The following PAK3 variants were observed in gnomAD, a reference collection of about 807,000 sequenced individuals.
The protein encoded by PAK3 is serine/threonine-protein kinase PAK 3.
Under a neutral mutation model 41.0 loss-of-function variants are expected in PAK3, and 4 were observed. That is an observed-to-expected ratio of 0.10 (90% CI 0.05 to 0.22). The LOEUF (loss-of-function observed/expected upper bound fraction) is 0.22, where lower values mean the gene tolerates loss of function less well. Among genes scored for constraint, PAK3 ranks in the 10% least tolerant of loss-of-function variants. PAK3 has a pLI of 1.00. For synonymous variants in PAK3, 146 were observed against 139.6 expected (o/e 1.05, Z -0.32); for missense variants, 205 against 409.9 (o/e 0.50, Z 4.32).
chrX:111,007,578 T>C (rs1213437786), intron 1 of PAK3, among the ~76,000 whole-genome samples: 1 of 111,490 alleles, frequency 9.0e-6, no homozygotes, highest in Non-Finnish European at 1.9e-5. Flanking sequence ...TCCCATTTCA[T>C]GCTGGCTGTG....
chrX:111,214,220 C>T (rs1423013550), intron 16 of PAK3, among the ~76,000 whole-genome samples: 2 of 112,166 alleles, frequency 1.8e-5, no homozygotes, highest in East Asian at 5.6e-4. Context: ...TTCTGTGGCT[C>T]TTACCTTTGG....
In PAK3 at chrX:111,213,889, T is replaced by C. The variant is rs148609397; in HGVS notation, c.1408-2532T>C. Among the ~76,000 whole-genome samples, 8 of 112,408 alleles carry C rather than the reference T, an allele frequency of 7.1e-5. No individual in the cohort carries two copies. In the East Asian group the frequency reaches 2.2e-3, roughly 31 times the overall value. On this transcript the variant is annotated intron_variant, in intron 16 of 17. Coordinates refer to ENST00000372007, the MANE Select transcript of PAK3 (RefSeq NM_002578.5). ...GCTATGATTGTGCACTATTCGATTT[T>C]AGCCCAATCAGTGATTTTCTAAAAG...
Position 111,156,837 on chromosome X carries a change from T to C in PAK3, c.468+4390T>C, listed in dbSNP as rs917466230. ...TGATATTAGTGTATTCAATTTCAAA[T>C]ACTGTTCAAGTCTCTACTCTTTAAT... On this transcript the variant is annotated intron_variant, in intron 8 of 17. Transcript: ENST00000372007. Among the ~76,000 whole-genome samples the C allele has an allele frequency of 3.6e-5, 4 of 112,420 alleles. No individual in the cohort carries two copies. The South Asian group carries it at 1.1e-3, about 32-fold the overall frequency.
chrX:111,118,803 A>G (rs1438908835), intron 4 of PAK3, among the ~76,000 whole-genome samples: 2 of 112,252 alleles, frequency 1.8e-5, no homozygotes, highest in Non-Finnish European at 3.8e-5. Flanking sequence ...GTCTATTTTG[A>G]AAGCAGACAG....
chrX:111,156,403 G>A (rs756727078), intron 8 of PAK3, among the ~76,000 whole-genome samples: 3 of 111,721 alleles, frequency 2.7e-5, no homozygotes, highest in Non-Finnish European at 5.6e-5. Context: ...GCTTGATGAA[G>A]GCTAGGTTTC....
intron 1 of PAK3, among the ~76,000 whole-genome samples, chrX:111,028,957 A>G (rs971641949): frequency 1.8e-5 from 2 of 109,159 alleles, no homozygotes; most frequent in African/African-American, 6.7e-5. Context: ...AAATAGGGAG[A>G]CCCTGTCTCT....
chrX:111,031,472 G>A (rs1569508637), intron 1 of PAK3, among the ~76,000 whole-genome samples: 1 of 112,171 alleles, frequency 8.9e-6, no homozygotes, highest in East Asian at 2.8e-4. Flanking sequence ...CTTAGTGACT[G>A]TAGTGACTAA....
intron 1 of PAK3, among the ~76,000 whole-genome samples, chrX:110,972,423 TCCGGAGTGG>T (rs1264472580): frequency 9.0e-6 from 1 of 111,331 alleles, no homozygotes; most frequent in African/African-American, 3.3e-5. Flanking sequence ...GCAAAGAGGG[TCCGGAGTGG>T]ATCTTCAGCG....
At chrX:111,014,090 G>C (rs1435403404) in intron 1 of PAK3, among the ~76,000 whole-genome samples, 2 of 111,830 alleles carry the variant, frequency 1.8e-5, no homozygotes, top group Non-Finnish European at 3.8e-5. Flanking sequence ...ACTCCCACTT[G>C]CCACTGGCTT....
chrX:111,036,977 C>T (rs1024560932), intron 1 of PAK3, among the ~76,000 whole-genome samples: 5 of 111,843 alleles, frequency 4.5e-5, no homozygotes, highest in African/African-American at 1.6e-4. Flanking sequence ...CAGAGTCTCG[C>T]TCTGTCACCC....
At chrX:111,091,055 G>A (rs759394163) in intron 1 of PAK3, among the ~76,000 whole-genome samples, 4 of 111,899 alleles carry the variant, frequency 3.6e-5, no homozygotes, top group Non-Finnish European at 7.5e-5. Context: ...TAGGACCATG[G>A]TGGAAGCAGG....
rs367802412 is a variant in PAK3 at position 111,123,183 on chromosome X, C to G, written c.80C>G (p.Ala27Gly). ...AATAGTAACAACCGGGATTCTTCAGCACTCAACCACAGCTCCAAACCACTT... is the reference window on the plus strand; with the variant it reads ...AATAGTAACAACCGGGATTCTTCAGGACTCAACCACAGCTCCAAACCACTT... ...RMNSNNRDSS[A>G]LNHSSKPLPM... Residue 27 changes from alanine (A) to glycine (G), a missense_variant, in exon 5 of 18, where the codon GCA becomes GGA. Ala to Gly is a moderately conservative substitution (Grantham distance 60). This residue lies in a region of PAK3 where 26 missense variants were observed against 27.4 expected (regional missense o/e 0.95). Coordinates refer to ENST00000372007, the MANE Select transcript of PAK3 (RefSeq NM_002578.5). 8.3e-7 allele frequency: 1 copy of G among 1,198,552 alleles called. No homozygotes were observed. Among genetic ancestry groups the G allele is most frequent in the African/African-American group, 1.8e-5 (1 of 57,048 alleles).
chrX:111,033,726 A>G (rs1373884907), intron 1 of PAK3, among the ~76,000 whole-genome samples: 2 of 111,309 alleles, frequency 1.8e-5, no homozygotes, highest in African/African-American at 6.5e-5. Context: ...ATTGCTTTTA[A>G]GGAGTCTGTT....
At chrX:111,210,200 G>A in intron 16 of PAK3, among the ~76,000 whole-genome samples, 1 of 111,986 alleles carries the variant, frequency 8.9e-6, no homozygotes, top group Non-Finnish European at 1.9e-5. Flanking sequence ...CTCACCTCAG[G>A]AAGAAAGCAG....
chrX:111,086,612 A>C (rs1603167987), intron 1 of PAK3, among the ~76,000 whole-genome samples: 1 of 111,163 alleles, frequency 9.0e-6, no homozygotes, highest in Non-Finnish European at 1.9e-5. Flanking sequence ...AAGACGCCCC[A>C]TGTCTTTCAA....
At chrX:110,958,228 G>A (rs2090906609) in intron 1 of PAK3, among the ~76,000 whole-genome samples, 1 of 112,203 alleles carries the variant, frequency 8.9e-6, no homozygotes, top group Non-Finnish European at 1.9e-5. Flanking sequence ...AATGAGGTCG[G>A]AGACCATGCA....
At chrX:111,194,253 C>A in intron 13 of PAK3, 48 bp from the exon 14 acceptor site, 1 of 741,311 alleles carries the variant, frequency 1.3e-6, no homozygotes. Flanking sequence ...TCAGAGTCCC[C>A]AGGTTTTTTA....
rs771721122 is a variant in PAK3 at position 110,992,098 on chromosome X, G to C, written c.-28+47470G>C. 1.1e-4 allele frequency among the ~76,000 whole-genome samples: 12 copies of C among 111,354 alleles called. No individual in the cohort carries two copies. The East Asian group carries it at 3.1e-3, about 29-fold the overall frequency. On this transcript the variant is annotated intron_variant, in intron 1 of 14. Coordinates refer to the PAK3 transcript ENST00000425146. Reference sequence around the variant, plus strand: ...GAACCCTGCAGAGCCTATAATTTTAGAGGGTGGTCAGGGTAGGCCTCACCA... The same window carrying C: ...GAACCCTGCAGAGCCTATAATTTTACAGGGTGGTCAGGGTAGGCCTCACCA...
intron 16 of PAK3, among the ~76,000 whole-genome samples, chrX:111,199,309 CT>C (rs2094651788): frequency 9.0e-6 from 1 of 111,355 alleles, no homozygotes; most frequent in African/African-American, 3.3e-5. Flanking sequence ...ATTTGGATGC[CT>C]TTTATTTCTT....
Sources: allele counts gnomAD v4.1 joint callset (sites outside exome capture counted in the v4.1 genomes callset), GRCh38; gene constraint gnomAD v4.1.1; regional missense constraint gnomAD v4.1.1; transcripts MANE v1.5; gene names NCBI Gene and HGNC (gene_info 2026-07-23, HGNC 2026-07-21).